CTBP2: variants seen among roughly 807,000 people sequenced by gnomAD.
CTBP2 encodes C-terminal-binding protein 2.
A neutral mutation model predicts 80.3 loss-of-function variants in CTBP2; 30 were observed. That is an observed-to-expected ratio of 0.37 (90% CI 0.28 to 0.51). The LOEUF (loss-of-function observed/expected upper bound fraction) is 0.51, where lower values mean the gene tolerates loss of function less well. Among genes scored for constraint, CTBP2 ranks in the 20% least tolerant of loss-of-function variants. The probability of loss-of-function intolerance (pLI) is 0.93; values close to 1 mark genes in which losing one functional copy is unlikely to be tolerated. For synonymous variants in CTBP2, 594 were observed against 587.4 expected (o/e 1.01, Z -0.16); for missense variants, 1,212 against 1,375.3 (o/e 0.88, Z 1.88).
chr10:125,029,596 C>T (rs577220146), upstream of CTBP2, among the ~76,000 whole-genome samples: 36 of 152,280 alleles, frequency 2.4e-4, no homozygotes, highest in Non-Finnish European at 4.9e-4. Flanking sequence ...CAATTTCTTT[C>T]CTCCCCTTGT....
intron 1 of CTBP2, among the ~76,000 whole-genome samples, chr10:125,122,461 G>C (rs914962592): frequency 1.3e-5 from 2 of 152,204 alleles, no homozygotes; most frequent in African/African-American, 2.4e-5. Flanking sequence ...GGTGCAACAG[G>C]CCTTCCTCCT....
intron 2 of CTBP2, among the ~76,000 whole-genome samples, chr10:125,107,716 T>C (rs1011052547): frequency 1.3e-5 from 2 of 152,146 alleles, no homozygotes. Context: ...TTTCCAGCAC[T>C]GTGTCACCTC....
chr10:125,040,514 G>A (rs1959374523), intron 2 of CTBP2, among the ~76,000 whole-genome samples: 1 of 145,938 alleles, frequency 6.9e-6, no homozygotes, highest in Non-Finnish European at 1.5e-5. Context: ...AACATTTAAG[G>A]CCCACTCTAT....
At chr10:124,993,409 G>T in intron 6 of CTBP2, 80 bp from the exon 9 acceptor site, 1 of 1,483,734 alleles carries the variant, frequency 6.7e-7, no homozygotes, top group East Asian at 2.4e-5. Context: ...GGGAGCTCTT[G>T]GCCATGTAGA....
At chr10:125,120,469 T>C (rs763013912) in intron 1 of CTBP2, among the ~76,000 whole-genome samples, 1 of 152,100 alleles carries the variant, frequency 6.6e-6, no homozygotes, top group Non-Finnish European at 1.5e-5. Context: ...TTACTGCAAC[T>C]TGCACCTCCC....
At chr10:125,158,744 A>G (rs1265283062) in intron 1 of CTBP2, 1 of 151,606 alleles carries the variant, frequency 6.6e-6, no homozygotes, top group Non-Finnish European at 1.5e-5. Flanking sequence ...TCTTCCCTAT[A>G]AAATCCTAAA....
chr10:125,073,833 T>C (rs1358733273), intron 2 of CTBP2, among the ~76,000 whole-genome samples: 3 of 152,182 alleles, frequency 2.0e-5, no homozygotes, highest in South Asian at 2.1e-4. Flanking sequence ...TGGCGACATA[T>C]GAGAGGGAAA....
At chr10:125,041,075 G>A (rs1959602205) in intron 2 of CTBP2, among the ~76,000 whole-genome samples, 1 of 152,146 alleles carries the variant, frequency 6.6e-6, no homozygotes, top group Non-Finnish European at 1.5e-5. Flanking sequence ...AATTGGTTTT[G>A]CTAGTGTTGG....
At chr10:125,045,928 C>T (rs1435226563) in intron 2 of CTBP2, among the ~76,000 whole-genome samples, 2 of 151,948 alleles carry the variant, frequency 1.3e-5, no homozygotes, top group East Asian at 2.0e-4. Flanking sequence ...CACATGCCCT[C>T]GATCAGTTCC....
intron 2 of CTBP2, among the ~76,000 whole-genome samples, chr10:125,077,251 T>TA (rs1846407497): frequency 6.6e-6 from 1 of 152,210 alleles, no homozygotes; most frequent in South Asian, 2.1e-4. Flanking sequence ...TGTAGGTTTA[T>TA]ATACATAAAG....
intron 2 of CTBP2, among the ~76,000 whole-genome samples, chr10:125,097,994 G>A (rs970069112): frequency 3.9e-5 from 6 of 152,196 alleles, no homozygotes; most frequent in South Asian, 4.1e-4. Flanking sequence ...GGCGGCGGGC[G>A]CCTGTAGTCC....
At chr10:125,029,118 C>T (rs940482034), upstream of CTBP2, among the ~76,000 whole-genome samples, 4 of 152,172 alleles carry the variant, frequency 2.6e-5, no homozygotes, top group Non-Finnish European at 2.9e-5. Flanking sequence ...TAAAATGAGA[C>T]AACATGCATA....
chr10:125,132,462 G>T (rs1856336785), intron 1 of CTBP2, among the ~76,000 whole-genome samples: 1 of 152,148 alleles, frequency 6.6e-6, no homozygotes, highest in Non-Finnish European at 1.5e-5. Flanking sequence ...TGAAGGCCTG[G>T]GGTTCCCACA....
rs1191789100 is a variant in CTBP2, at chr10:125,066,076, A to G, written c.-101-26921T>C. ...TGATTGTGCCATGGCACTCTAGCCA[A>G]AAAAAAAAAGCCGTCATCTTCTTGA... On this transcript the variant is annotated intron_variant, in intron 2 of 10. Coordinates refer to the CTBP2 transcript ENST00000337195. This position sits in a 1 kb window ranked among gnomAD's most constrained non-coding sequence, Gnocchi z 4.1. Among the ~76,000 whole-genome samples the G allele has an allele frequency of 6.7e-6, 1 of 149,384 alleles. No homozygotes were observed.
chr10:125,159,981 G>A (rs898679882), intron 1 of CTBP2: 6 of 146,400 alleles, frequency 4.1e-5, no homozygotes, highest in Admixed American at 3.4e-4. Context: ...TTTCAACCCT[G>A]ATGGGAAGGA....
At chr10:125,016,576 G>C (rs1395734163) in intron 1 of CTBP2, among the ~76,000 whole-genome samples, 1 of 152,240 alleles carries the variant, frequency 6.6e-6, no homozygotes, top group African/African-American at 2.4e-5. Context: ...GGCTGAGATG[G>C]GAGAGGGAGA....
At chr10:125,159,256 G>A (rs1473629157) in intron 1 of CTBP2, among the ~76,000 whole-genome samples, 3 of 150,154 alleles carry the variant, frequency 2.0e-5, no homozygotes, top group Non-Finnish European at 4.5e-5. Context: ...AGCCCCTCCT[G>A]CTAAACTTTT....
intron 1 of CTBP2, among the ~76,000 whole-genome samples, chr10:125,111,758 C>T (rs943215190): frequency 1.3e-5 from 2 of 152,232 alleles, no homozygotes; most frequent in Non-Finnish European, 1.5e-5. Flanking sequence ...GTGGGACCCA[C>T]ATCATCCGAA....
At chr10:125,112,617 C>A (rs997178286) in intron 1 of CTBP2, among the ~76,000 whole-genome samples, 2 of 150,942 alleles carry the variant, frequency 1.3e-5, no homozygotes, top group Non-Finnish European at 2.9e-5. Flanking sequence ...TTAGTATAGA[C>A]GAGGTTTCAC....
Sources: allele counts gnomAD v4.1 joint callset (sites outside exome capture counted in the v4.1 genomes callset), GRCh38; gene constraint gnomAD v4.1.1; non-coding constraint Gnocchi (gnomAD v3.1); transcripts MANE v1.5; gene names NCBI Gene and HGNC (gene_info 2026-07-23, HGNC 2026-07-21).